The following AGBL4 variants were observed in gnomAD, a reference collection of about 807,000 sequenced individuals.
The protein encoded by AGBL4 is AGBL carboxypeptidase 4.
Under a neutral mutation model 66.4 loss-of-function variants are expected in AGBL4, and 58 were observed. The observed-to-expected ratio is 0.87, with a 90% CI of 0.71 to 1.09. The LOEUF is 1.09. Among genes scored for constraint, AGBL4 ranks in the 50% least tolerant of loss-of-function variants. AGBL4 has a pLI of 0.00. For synonymous variants in AGBL4, 234 were observed against 222.9 expected (o/e 1.05, Z -0.44); for missense variants, 579 against 631.0 (o/e 0.92, Z 0.88).
chr1:49,008,203 CA>C (rs1242786397), intron 5 of AGBL4, among the ~76,000 whole-genome samples: 1 of 150,902 alleles, frequency 6.6e-6, no homozygotes, highest in Non-Finnish European at 1.5e-5. Context: ...AAATGGAAAA[CA>C]AAAAAAGGCA....
intron 6 of AGBL4, among the ~76,000 whole-genome samples, chr1:48,802,416 TATGTGTCTGGACCCCC>T (rs55974676): frequency 0.82 from 124,129 of 151,884 alleles, 53,471 homozygotes; most frequent in Non-Finnish European, 0.96. Context: ...ACATCTTATT[TATGTGTCTGGACCCCC>T]ATCAGTCTGG....
chr1:49,495,844 C>G (rs187467452), intron 3 of AGBL4, among the ~76,000 whole-genome samples: 4 of 152,112 alleles, frequency 2.6e-5, no homozygotes, highest in Non-Finnish European at 5.9e-5. Context: ...CAAATCTGAT[C>G]AGACTACTTT....
intron 3 of AGBL4, among the ~76,000 whole-genome samples, chr1:49,623,885 C>T (rs937957490): frequency 6.6e-6 from 1 of 152,160 alleles, no homozygotes; most frequent in Admixed American, 6.5e-5. Context: ...ATAGTCTTGG[C>T]TCTGCCGCTG....
intron 3 of AGBL4, among the ~76,000 whole-genome samples, chr1:49,367,704 C>T (rs1246858400): frequency 2.0e-5 from 3 of 151,902 alleles, no homozygotes; most frequent in Admixed American, 1.3e-4. Context: ...GTTCTTACGA[C>T]GGAGGAAGAA....
Position 49,045,786 on chromosome 1 carries a change from G to A in AGBL4, c.392C>T (p.Pro131Leu). ...TSRPKWQRLP[P>L]KNVYYYRCPD... ...GCAGCGGTAGTAGTAAACATTTTTG[G>A]GTGGCAGCCTTTGCCTAAAATATAT... Residue 131 changes from proline to leucine, a missense_variant, in exon 5 of 14, where the codon CCC becomes CTC. Physicochemically the swap from Pro to Leu is moderately conservative, Grantham distance 98 (BLOSUM62 -3). Coordinates refer to ENST00000371839, the MANE Select transcript of AGBL4 (RefSeq NM_032785.4). 6.4e-7 allele frequency: 1 copy of A among 1,551,026 alleles called. No homozygotes were observed. Among genetic ancestry groups the A allele is most frequent in the Non-Finnish European group, 8.7e-7 (1 of 1,146,548 alleles).
chr1:49,467,271 T>C (rs1253815308), intron 3 of AGBL4, among the ~76,000 whole-genome samples: 3 of 151,904 alleles, frequency 2.0e-5, no homozygotes, highest in Non-Finnish European at 4.4e-5. Flanking sequence ...CAATCTTGGG[T>C]ATCTGCTTTA....
chr1:48,603,862 T>G (rs1424129823), intron 9 of AGBL4, among the ~76,000 whole-genome samples: 1 of 152,028 alleles, frequency 6.6e-6, no homozygotes, highest in Non-Finnish European at 1.5e-5. Flanking sequence ...TCCCAGCACT[T>G]TGGGAGACCG....
At chr1:49,140,409 C>T (rs1326219605) in intron 4 of AGBL4, among the ~76,000 whole-genome samples, 1 of 152,230 alleles carries the variant, frequency 6.6e-6, no homozygotes, top group African/African-American at 2.4e-5. Flanking sequence ...CTGGCTTCTT[C>T]ACCTTCATAT....
chr1:49,098,831 T>C (rs1394471789), intron 4 of AGBL4, among the ~76,000 whole-genome samples: 1 of 152,242 alleles, frequency 6.6e-6, no homozygotes, highest in African/African-American at 2.4e-5. Flanking sequence ...ATTTTAGGCA[T>C]TCACAGATCA....
At chr1:48,796,981 A>AG (rs1327596754) in intron 6 of AGBL4, among the ~76,000 whole-genome samples, 1 of 152,326 alleles carries the variant, frequency 6.6e-6, no homozygotes, top group East Asian at 1.9e-4. Flanking sequence ...ATGTCCTTCT[A>AG]GGGGTCAATG....
At chr1:48,612,733 G>A (rs566385999) in intron 9 of AGBL4, among the ~76,000 whole-genome samples, 1 of 152,336 alleles carries the variant, frequency 6.6e-6, no homozygotes, top group South Asian at 2.1e-4. Context: ...AAGAGGTGTT[G>A]AATTCAGTTT....
chr1:49,511,172 A>T (rs1284613069), intron 3 of AGBL4, among the ~76,000 whole-genome samples: 2 of 151,992 alleles, frequency 1.3e-5, no homozygotes, highest in East Asian at 3.9e-4. Flanking sequence ...TTATTGCAGC[A>T]TTATTCACAA....
intron 9 of AGBL4, among the ~76,000 whole-genome samples, chr1:48,613,416 C>CAAT (rs1645270122): frequency 6.6e-6 from 1 of 152,148 alleles, no homozygotes; most frequent in Non-Finnish European, 1.5e-5. Context: ...TCTGATTCAG[C>CAAT]AATAAAGTAA....
intron 6 of AGBL4, among the ~76,000 whole-genome samples, chr1:48,719,000 C>T (rs1037964868): frequency 1.3e-5 from 2 of 152,186 alleles, no homozygotes; most frequent in African/African-American, 4.8e-5. Flanking sequence ...TACATCAGCT[C>T]CTTGTTGCTA....
At chr1:48,799,948 T>C (rs1645772488) in intron 6 of AGBL4, among the ~76,000 whole-genome samples, 1 of 152,182 alleles carries the variant, frequency 6.6e-6, no homozygotes, top group South Asian at 2.1e-4. Context: ...GAGATATTGG[T>C]CTACTGTTTT....
chr1:48,989,450 C>A (rs763152097), intron 5 of AGBL4, among the ~76,000 whole-genome samples: 1 of 151,806 alleles, frequency 6.6e-6, no homozygotes, highest in Non-Finnish European at 1.5e-5. Flanking sequence ...GTTGTGCTAC[C>A]AATACTAGAT....
intron 2 of AGBL4, among the ~76,000 whole-genome samples, chr1:49,764,231 G>A (rs1051126410): frequency 6.6e-6 from 1 of 152,076 alleles, no homozygotes; most frequent in African/African-American, 2.4e-5. Context: ...GCAAAATCCA[G>A]CATCGCCTGG....
chr1:48,950,562 T>C (rs1054042406), intron 5 of AGBL4, among the ~76,000 whole-genome samples: 2 of 152,218 alleles, frequency 1.3e-5, no homozygotes, highest in Non-Finnish European at 2.9e-5. Context: ...AGAGTGCCAA[T>C]GGCTCAGTAG....
chr1:49,089,664 G>A (rs1169750484), intron 4 of AGBL4, among the ~76,000 whole-genome samples: 1 of 152,144 alleles, frequency 6.6e-6, no homozygotes, highest in Admixed American at 6.5e-5. Flanking sequence ...TCTACCAGAT[G>A]TATAAAGAAA....
Sources: gnomAD v4.1 joint callset for allele counts (sites outside exome capture counted in the v4.1 genomes callset) on GRCh38, gnomAD v4.1.1 for gene constraint, MANE v1.5 for transcripts, NCBI Gene and HGNC (gene_info 2026-07-23, HGNC 2026-07-21) for gene names.